HHAT: variants seen among roughly 807,000 people sequenced by gnomAD.
HHAT encodes the protein protein-cysteine N-palmitoyltransferase HHAT.
HHAT carries 47 observed loss-of-function variants against 70.8 expected under a neutral mutation model. The ratio of observed to expected loss-of-function variants is 0.66; its 90% CI spans 0.53 to 0.85. The LOEUF (loss-of-function observed/expected upper bound fraction) is 0.85, where lower values mean the gene tolerates loss of function less well. Among genes scored for constraint, HHAT ranks in the 40% least tolerant of loss-of-function variants. The probability of loss-of-function intolerance (pLI) is 0.00; values close to 1 mark genes in which losing one functional copy is unlikely to be tolerated. For synonymous variants in HHAT, 228 were observed against 247.6 expected (o/e 0.92, Z 0.74); for missense variants, 609 against 604.8 (o/e 1.01, Z -0.07).
intron 7 of HHAT, among the ~76,000 whole-genome samples, chr1:210,430,305 G>C (rs1268098007): frequency 6.6e-6 from 1 of 151,760 alleles, no homozygotes; most frequent in Non-Finnish European, 1.5e-5. Flanking sequence ...CTTCAAAGCA[G>C]CCTTGATTCC....
At chr1:210,479,067 C>T (rs2094350760) in intron 8 of HHAT, among the ~76,000 whole-genome samples, 1 of 152,164 alleles carries the variant, frequency 6.6e-6, no homozygotes, top group Non-Finnish European at 1.5e-5. Flanking sequence ...AGTTTGTCAG[C>T]TGTTCCCGGG....
chr1:210,387,004 C>T (rs1384761819), intron 3 of HHAT, among the ~76,000 whole-genome samples: 2 of 152,104 alleles, frequency 1.3e-5, no homozygotes. Flanking sequence ...TATTAGTGTC[C>T]AGTTTACATT....
chr1:210,470,985 T>C (rs2094194372), intron 8 of HHAT, among the ~76,000 whole-genome samples: 1 of 152,194 alleles, frequency 6.6e-6, no homozygotes, highest in African/African-American at 2.4e-5. Flanking sequence ...ATATAAGCCC[T>C]TTGAAGGCAG....
chr1:210,647,003 A>G (rs919653101), intron 11 of HHAT, among the ~76,000 whole-genome samples: 2 of 152,334 alleles, frequency 1.3e-5, no homozygotes, highest in Non-Finnish European at 2.9e-5. Flanking sequence ...TTCCCACTGT[A>G]TTAGCCTCCT....
intron 1 of HHAT, among the ~76,000 whole-genome samples, chr1:210,343,232 C>G (rs1308238933): frequency 6.6e-6 from 1 of 152,166 alleles, no homozygotes; most frequent in Non-Finnish European, 1.5e-5. Flanking sequence ...ATTACCTCCT[C>G]CTCCCTGCTC....
chr1:210,581,960 T>C (rs902667253), intron 9 of HHAT, among the ~76,000 whole-genome samples: 4 of 152,174 alleles, frequency 2.6e-5, no homozygotes, highest in Non-Finnish European at 5.9e-5. Flanking sequence ...TCTAGTGCTG[T>C]CTGAATGAAT....
At chr1:210,574,524 C>G (rs1488998006) in intron 9 of HHAT, among the ~76,000 whole-genome samples, 4 of 152,242 alleles carry the variant, frequency 2.6e-5, no homozygotes, top group Non-Finnish European at 5.9e-5. Context: ...CCTTGTTACA[C>G]TAAATGCTTC....
intron 9 of HHAT, among the ~76,000 whole-genome samples, chr1:210,563,341 C>T (rs1247058481): frequency 6.6e-6 from 1 of 152,048 alleles, no homozygotes; most frequent in Non-Finnish European, 1.5e-5. Flanking sequence ...TGTTAGGGGC[C>T]GGGGATCATA....
At position 210,579,791 on chromosome 1, in the gene HHAT, T is replaced by C. The variant is rs550806313; in HGVS notation, c.1044-8107T>C. ...TTTCTAGCGGCAAATGTGCTTGGAC[T>C]GAGCCATTCAGACTCTCTCAGCCTC... On this transcript the variant is annotated intron_variant, in intron 9 of 11. Coordinates refer to ENST00000261458, the MANE Select transcript of HHAT (RefSeq NM_018194.6). Among the ~76,000 whole-genome samples the C allele has an allele frequency of 4.2e-3, 641 of 152,308 alleles. 3 individuals carry two copies. The highest frequency in any genetic ancestry group is 0.015 in the African/African-American group (615 of 41,562).
At chr1:210,647,028 A>G (rs1463143467) in intron 11 of HHAT, among the ~76,000 whole-genome samples, 1 of 152,236 alleles carries the variant, frequency 6.6e-6, no homozygotes, top group Non-Finnish European at 1.5e-5. Context: ...CTGCTGTGGC[A>G]AAGACCACAA....
chr1:210,450,957 G>A (rs528072255), intron 7 of HHAT, among the ~76,000 whole-genome samples: 2 of 151,980 alleles, frequency 1.3e-5, no homozygotes, highest in East Asian at 1.9e-4. Context: ...TGTGGTGGTG[G>A]GCACCTGTAG....
intron 7 of HHAT, among the ~76,000 whole-genome samples, chr1:210,438,297 G>C (rs1444783065): frequency 1.3e-5 from 2 of 151,768 alleles, no homozygotes; most frequent in Non-Finnish European, 2.9e-5. Context: ...AGGTAACATG[G>C]TTCTTTGGTG....
chr1:210,502,892 T>G (rs1021737011), intron 8 of HHAT, among the ~76,000 whole-genome samples: 1 of 152,212 alleles, frequency 6.6e-6, no homozygotes, highest in African/African-American at 2.4e-5. Flanking sequence ...CAATTTTTTT[T>G]TTCTTTCTTG....
chr1:210,505,866 T>C (rs1340255269), intron 8 of HHAT, among the ~76,000 whole-genome samples: 1 of 152,156 alleles, frequency 6.6e-6, no homozygotes, highest in Non-Finnish European at 1.5e-5. Context: ...ACCTCAGTTG[T>C]ATGGTATTTG....
intron 7 of HHAT, among the ~76,000 whole-genome samples, chr1:210,429,988 C>G (rs2148320649): frequency 6.6e-6 from 1 of 151,934 alleles, no homozygotes; most frequent in South Asian, 2.1e-4. Context: ...TAAACTGGAG[C>G]TGAATACAGT....
At chr1:210,492,116 C>G (rs1176700592) in intron 8 of HHAT, among the ~76,000 whole-genome samples, 1 of 152,106 alleles carries the variant, frequency 6.6e-6, no homozygotes, top group Non-Finnish European at 1.5e-5. Flanking sequence ...ATCACACACA[C>G]GTACCCACCT....
rs1349902165 is a variant in HHAT at position 210,455,027 on chromosome 1, C to T, written c.857-9478C>T. 3.3e-5 allele frequency among the ~76,000 whole-genome samples: 5 copies of T among 152,004 alleles called. No individual in the cohort carries two copies. The East Asian group carries it at 9.6e-4, about 29-fold the overall frequency. On this transcript the variant is annotated intron_variant, in intron 7 of 11. Transcript: ENST00000261458. ...CCCTTTCTACAGATCACTGGCTCCT[C>T]TCATTTAAGGACAAAGCAGGGGAGG...
At chr1:210,352,581 C>T (rs959291356) in intron 2 of HHAT, among the ~76,000 whole-genome samples, 1 of 152,096 alleles carries the variant, frequency 6.6e-6, no homozygotes, top group South Asian at 2.1e-4. Flanking sequence ...TGGGCATCTG[C>T]GTGGCTACTC....
intron 7 of HHAT, among the ~76,000 whole-genome samples, chr1:210,442,806 G>A (rs1218257789): frequency 6.6e-6 from 1 of 152,176 alleles, no homozygotes. Context: ...TAGGCTGCCT[G>A]TTCACTCTGA....
Sources: allele counts gnomAD v4.1 joint callset (sites outside exome capture counted in the v4.1 genomes callset), GRCh38; gene constraint gnomAD v4.1.1; transcripts MANE v1.5; gene names NCBI Gene and HGNC (gene_info 2026-07-23, HGNC 2026-07-21).